Variants in WIPF2 observed in about 807,000 individuals in gnomAD.
The protein encoded by WIPF2 is WAS/WASL interacting protein family member 2.
Under a neutral mutation model 38.8 loss-of-function variants are expected in WIPF2, and 23 were observed. The ratio of observed to expected loss-of-function variants is 0.59; its 90% CI spans 0.43 to 0.84. The LOEUF is 0.84. Among genes scored for constraint, WIPF2 ranks in the 40% least tolerant of loss-of-function variants. The pLI, the probability that WIPF2 is intolerant of heterozygous loss-of-function variation, is 0.00. For synonymous variants in WIPF2, 210 were observed against 223.2 expected, an observed-to-expected ratio of 0.94 and a Z score of 0.53; for missense variants, 574 against 580.5, an observed-to-expected ratio of 0.99 and a Z score of 0.11.
chr17:40,261,971 C>T (rs1333269702), intron 3 of WIPF2, among the ~76,000 whole-genome samples: 1 of 151,802 alleles, frequency 6.6e-6, no homozygotes, highest in Non-Finnish European at 1.5e-5. Context: ...TGAGCCACCA[C>T]GCCTGGCTTC....
chr17:40,240,837 C>T (rs778406214), intron 1 of WIPF2, among the ~76,000 whole-genome samples: 13 of 150,160 alleles, frequency 8.7e-5, no homozygotes, highest in East Asian at 2.0e-4. Context: ...ACCAGCTACT[C>T]GGGAGGCTGA....
intron 4 of WIPF2, among the ~76,000 whole-genome samples, chr17:40,263,753 G>A (rs2031988828): frequency 6.6e-6 from 1 of 151,716 alleles, no homozygotes; most frequent in Admixed American, 6.6e-5. Flanking sequence ...ATGTTGGCCA[G>A]GCTGGTCTCA....
chr17:40,229,643 A>C (rs541137059), intron 1 of WIPF2, among the ~76,000 whole-genome samples: 1 of 152,076 alleles, frequency 6.6e-6, no homozygotes, highest in Admixed American at 6.6e-5. Context: ...CTGGCCTCAA[A>C]ACTCCTAACC....
chr17:40,238,941 T>G (rs1326512157), intron 1 of WIPF2, among the ~76,000 whole-genome samples: 2 of 151,886 alleles, frequency 1.3e-5, no homozygotes, highest in Non-Finnish European at 2.9e-5. Context: ...GGTTTTGCTG[T>G]GGGGCTCAGG....
Position 40,278,221 on chromosome 17 carries a change from G to A in WIPF2, c.1319G>A (p.Arg440Lys). ...RGAPPLPPIL[R>K] Reference sequence around the variant, plus strand: ...GCCCCACCTCTGCCACCCATTCTCAGGTGAAGCCTGGCTTGGTCCCGTTCC... The same window carrying A: ...GCCCCACCTCTGCCACCCATTCTCAAGTGAAGCCTGGCTTGGTCCCGTTCC... Residue 440 changes from arginine (R) to lysine (K), a missense_variant, in exon 8 of 8, where the codon AGG (arginine) becomes AAG (lysine). Arg to Lys is a conservative substitution (Grantham distance 26). Coordinates refer to ENST00000323571, the MANE Select transcript of WIPF2 (RefSeq NM_133264.5). The A allele has an allele frequency of 6.2e-7, 1 of 1,613,798 alleles. No homozygotes were observed. The highest frequency in any genetic ancestry group is 8.5e-7 in the Non-Finnish European group (1 of 1,179,890).
chr17:40,264,474 G>A lies in WIPF2; in HGVS notation c.314-16G>A, dbSNP rs374588239. Reference sequence around the variant, plus strand: ...TGTCCAGCTCTGTTGACCCTGTGTTGTCTATGTATTTGTAGAGAACCTAGC... The same window carrying A: ...TGTCCAGCTCTGTTGACCCTGTGTTATCTATGTATTTGTAGAGAACCTAGC... On this transcript the variant is annotated splice_polypyrimidine_tract_variant and intron_variant, in intron 4 of 7. Coordinates refer to ENST00000323571, the MANE Select transcript of WIPF2 (RefSeq NM_133264.5). The A allele has an allele frequency of 6.2e-7, 1 of 1,613,440 alleles. No homozygotes were observed. The highest frequency in any genetic ancestry group is 8.5e-7 in the Non-Finnish European group (1 of 1,179,818).
intron 1 of WIPF2, among the ~76,000 whole-genome samples, chr17:40,235,119 C>G (rs1004451587): frequency 4.0e-5 from 6 of 151,844 alleles, no homozygotes; most frequent in Non-Finnish European, 8.8e-5. Flanking sequence ...GGGGTTTCAC[C>G]GTGTTAGCCA....
At chr17:40,275,625 G>A (rs1167539818) in intron 6 of WIPF2, among the ~76,000 whole-genome samples, 1 of 151,908 alleles carries the variant, frequency 6.6e-6, no homozygotes, top group East Asian at 1.9e-4. Context: ...GTGCAGTAGC[G>A]CAATCACGGC....
At chr17:40,246,924 A>G (rs2031386374) in intron 1 of WIPF2, among the ~76,000 whole-genome samples, 2 of 151,830 alleles carry the variant, frequency 1.3e-5, no homozygotes, top group African/African-American at 4.8e-5. Context: ...AGTCTGGCCA[A>G]CATAGTGAAA....
At chr17:40,232,326 A>ATCAC (rs1325821538) in intron 1 of WIPF2, among the ~76,000 whole-genome samples, 1 of 151,546 alleles carries the variant, frequency 6.6e-6, no homozygotes, top group Admixed American at 6.6e-5. Flanking sequence ...AGTAGCTGGA[A>ATCAC]TCACAGGTGC....
intron 2 of WIPF2, 99 bp downstream of exon 2, chr17:40,256,621 T>G: frequency 7.0e-7 from 1 of 1,429,848 alleles, no homozygotes; most frequent in Non-Finnish European, 9.3e-7. Flanking sequence ...TTGGTTAAAA[T>G]TTCTAGATTT....
At chr17:40,222,409 A>G (rs1434741402) in intron 1 of WIPF2, among the ~76,000 whole-genome samples, 1 of 150,556 alleles carries the variant, frequency 6.6e-6, no homozygotes, top group Non-Finnish European at 1.5e-5. Context: ...TATAATCCCA[A>G]CGCTTTGGGA....
rs1170849046 is a variant in WIPF2 at position 40,250,219 on chromosome 17, GTTTTTTTTTTTTTT to G, written c.-69-6157_-69-6144del. 1.9e-4 allele frequency among the ~76,000 whole-genome samples: 12 copies of G among 62,548 alleles called. 1 individual carries two copies. The South Asian group carries it at 2.4e-3, about 13-fold the overall frequency. 41.0% of individuals were successfully genotyped at this position (62,548 alleles called of 152,430 possible). On this transcript the variant is annotated intron_variant, in intron 1 of 7. Coordinates refer to ENST00000323571, the MANE Select transcript of WIPF2 (RefSeq NM_133264.5). ...GGATGTGCAAAGCGAATTTTATCAT[GTTTTTTTTTTTTTT>G]TTTTTTTTTTTTTTGAGACAAAGTC...
intron 1 of WIPF2, among the ~76,000 whole-genome samples, chr17:40,249,637 G>A (rs1244151652): frequency 1.3e-5 from 2 of 151,038 alleles, no homozygotes; most frequent in Non-Finnish European, 2.9e-5. Context: ...ATGTTTGGTA[G>A]AGACAGGGTT....
At chr17:40,278,121 GTGGGT>G in intron 7 of WIPF2, 59 bp from the exon 8 acceptor site, 1 of 1,551,908 alleles carries the variant, frequency 6.4e-7, no homozygotes, top group Non-Finnish European at 8.8e-7. Context: ...TTAGGAATGT[GTGGGT>G]TGTTCAGATT....
At chr17:40,220,499 G>A (rs1253595716) in intron 1 of WIPF2, 2 of 145,136 alleles carry the variant, frequency 1.4e-5, no homozygotes, top group Non-Finnish European at 3.0e-5. Context: ...GGGCTGAAGT[G>A]GTCCTTCCAC....
chr17:40,225,104 T>C (rs1427240672), intron 1 of WIPF2, among the ~76,000 whole-genome samples: 1 of 152,168 alleles, frequency 6.6e-6, no homozygotes, highest in African/African-American at 2.4e-5. Flanking sequence ...CAGTACTCTT[T>C]ACTGAATGTT....
intron 1 of WIPF2, among the ~76,000 whole-genome samples, chr17:40,241,495 T>A (rs949589243): frequency 9.2e-5 from 14 of 152,186 alleles, no homozygotes; most frequent in Non-Finnish European, 7.3e-5. Context: ...CTCCCCTCTT[T>A]AGTATTAAAT....
chr17:40,274,557 GA>G (rs571085371), intron 6 of WIPF2, among the ~76,000 whole-genome samples: 185 of 24,742 alleles, frequency 7.5e-3, no homozygotes, highest in African/African-American at 0.022. Flanking sequence ...TGGAATTCTT[GA>G]AAAAAAAAAA....
Sources: gnomAD v4.1 joint callset for allele counts (sites outside exome capture counted in the v4.1 genomes callset) on GRCh38, gnomAD v4.1.1 for gene constraint, MANE v1.5 for transcripts, NCBI Gene and HGNC (gene_info 2026-07-23, HGNC 2026-07-21) for gene names.